Variants in NOS1 observed in about 807,000 individuals in gnomAD.
NOS1 encodes nitric oxide synthase 1, also known as NOS type I.
NOS1 carries 51 observed loss-of-function variants against 164.5 expected under a neutral mutation model. The observed-to-expected ratio is 0.31, with a 90% CI of 0.25 to 0.39. The LOEUF (loss-of-function observed/expected upper bound fraction) is 0.39. NOS1 is among the 10% of genes least tolerant of loss of function. The pLI, the probability that NOS1 is intolerant of heterozygous loss-of-function variation, is 1.00. For synonymous variants in NOS1, 719 were observed against 745.8 expected (o/e 0.96, Z 0.59); for missense variants, 1,362 against 1,885.6 (o/e 0.72, Z 5.14).
chr12:117,349,198 A>G (rs1188501160), intron 1 of NOS1, among the ~76,000 whole-genome samples: 1 of 152,246 alleles, frequency 6.6e-6, no homozygotes, highest in Non-Finnish European at 1.5e-5. Context: ...GATACTGCAT[A>G]TAAATGAAAT....
chr12:117,324,831 G>T (rs1875164796), intron 2 of NOS1, among the ~76,000 whole-genome samples: 1 of 152,002 alleles, frequency 6.6e-6, no homozygotes. Flanking sequence ...CTGCCTGCTG[G>T]AGCCACCTTC....
intron 17 of NOS1, among the ~76,000 whole-genome samples, chr12:117,250,862 T>C (rs1412637201): frequency 5.9e-5 from 9 of 152,198 alleles, no homozygotes; most frequent in Admixed American, 1.3e-4. Flanking sequence ...CCTGAATCTC[T>C]GTGATTTATG....
chr12:117,334,012 A>G (rs897567799), intron 1 of NOS1, among the ~76,000 whole-genome samples: 1 of 152,190 alleles, frequency 6.6e-6, no homozygotes. Context: ...CCTCTTGGGG[A>G]GGCAAGGCCC....
rs752133783 is a variant in NOS1, at chr12:117,247,510, A to G, written c.2661T>C (p.Phe887=). 31 of 1,606,534 alleles carry G rather than the reference A, an allele frequency of 1.9e-5. No individual in the cohort carries two copies. Among genetic ancestry groups the G allele is most frequent in the South Asian group, 7.8e-5 (7 of 89,868 alleles). Residue 887 remains phenylalanine, a synonymous_variant, in exon 18 of 29, where the codon TTT becomes TTC. Coordinates refer to ENST00000317775, the MANE Select transcript of NOS1 (RefSeq NM_000620.5). ...GPLANVRFSV[F]GLGSRAYPHF... ...GAGGGTATGCTCGTGAGCCGAGGCC[A>G]AAAACTGAGAACCTGTCAAGGAGAT...
chr12:117,348,530 A>AATTATTTATTTAAT (rs1876465471), intron 1 of NOS1: 1 of 152,174 alleles, frequency 6.6e-6, no homozygotes, highest in South Asian at 2.1e-4. Flanking sequence ...TCACCTATGC[A>AATTATTTATTTAAT]ATTATTTATT....
chr12:117,275,012 A>T (rs1191898411), intron 9 of NOS1, among the ~76,000 whole-genome samples: 2 of 152,080 alleles, frequency 1.3e-5, no homozygotes, highest in Non-Finnish European at 2.9e-5. Flanking sequence ...ATTTCAAAAT[A>T]ACTTAAAGAG....
At chr12:117,340,590 C>T (rs949894102) in intron 1 of NOS1, among the ~76,000 whole-genome samples, 9 of 152,154 alleles carry the variant, frequency 5.9e-5, no homozygotes, top group African/African-American at 1.2e-4. Flanking sequence ...AGTGTGGTGG[C>T]GCAATCTCGG....
At chr12:117,220,624 G>T (rs573873898) in intron 26 of NOS1, among the ~76,000 whole-genome samples, 1 of 152,084 alleles carries the variant, frequency 6.6e-6, no homozygotes, top group Non-Finnish European at 1.5e-5. Flanking sequence ...AATGGTCACC[G>T]GGTGTTAACA....
chr12:117,281,618 G>C (rs923630727), intron 7 of NOS1, among the ~76,000 whole-genome samples: 1 of 150,282 alleles, frequency 6.7e-6, no homozygotes, highest in Non-Finnish European at 1.5e-5. Context: ...GGCGGATCAC[G>C]AGGACAAGAG....
chr12:117,338,216 C>T (rs943330658), intron 1 of NOS1, among the ~76,000 whole-genome samples: 1 of 150,048 alleles, frequency 6.7e-6, no homozygotes, highest in Non-Finnish European at 1.5e-5. Flanking sequence ...GACTCTGTCT[C>T]AAACAAAACA....
chr12:117,305,515 G>C lies in NOS1; in HGVS notation c.852+5951C>G, dbSNP rs919076674. ...CAGGAGCTCCAGGTACAGTGGCTTT[G>C]AGCAGGTAGAGGCGAGGTTAGGAGA... On this transcript the variant is annotated intron_variant, in intron 3 of 28. Coordinates refer to ENST00000317775, the MANE Select transcript of NOS1 (RefSeq NM_000620.5). 4.6e-5 allele frequency among the ~76,000 whole-genome samples: 7 copies of C among 151,528 alleles called. No individual in the cohort carries two copies. In the East Asian group the frequency reaches 9.7e-4, roughly 21 times the overall value.
In NOS1 at chr12:117,211,504, C is replaced by T. The variant is rs1441926763; in HGVS notation, c.*3805G>A. 1.0e-6 allele frequency: 1 copy of T among 984,342 alleles called. No individual in the cohort carries two copies. Among genetic ancestry groups the T allele is most frequent in the Non-Finnish European group, 1.2e-6 (1 of 828,964 alleles). The allele number at this position is 984,342 out of a possible 1,614,324, so 61.0% of individuals were successfully genotyped here. The stretch of plus-strand genomic sequence containing the variant: ...TTTTTGAAAAACATTCTTAGGGACT[C>T]CCTGTTGCCTTCTGAATAAAGCCTA... On this transcript the variant is annotated 3_prime_UTR_variant, in exon 29 of 29. Transcript: ENST00000317775.
At chr12:117,280,099 C>T (rs149377557) in intron 8 of NOS1, among the ~76,000 whole-genome samples, 83 of 152,270 alleles carry the variant, frequency 5.5e-4, no homozygotes, top group Non-Finnish European at 1.1e-3. Flanking sequence ...GTATAAGCTA[C>T]CATATCTTAC....
At chr12:117,293,006 G>A (rs984194148) in intron 3 of NOS1, among the ~76,000 whole-genome samples, 1 of 152,188 alleles carries the variant, frequency 6.6e-6, no homozygotes. Context: ...AGATGAGTAC[G>A]TGCTAGCCAG....
rs1462392094 is a variant in NOS1, at chr12:117,222,674, G to C, written c.3975+41C>G. On this transcript the variant is annotated intron_variant, in intron 26 of 28. Coordinates refer to ENST00000317775, the MANE Select transcript of NOS1 (RefSeq NM_000620.5). ...GAGAGTAGGATGTCCAAGTGTGCAT[G>C]TGTGTTGGGCTGGGCTAGGGGGTGG... 10 of 1,595,014 alleles carry C rather than the reference G, an allele frequency of 6.3e-6. No homozygotes were observed. In the South Asian group the frequency reaches 8.9e-5, roughly 14 times the overall value.
Position 117,212,523 on chromosome 12 carries a change from T to TG in NOS1, c.*2785dup. ...GCTGTGGGAACTGGATGCATAGTGA[T>TG]GGCAGGTGAGCATGATGTTCCGGTG... On this transcript the variant is annotated 3_prime_UTR_variant, in exon 29 of 29. Transcript: ENST00000317775. 1 of 985,430 alleles carries TG rather than the reference T, an allele frequency of 1.0e-6. No homozygotes were observed. The highest frequency in any genetic ancestry group is 4.7e-5 in the South Asian group (1 of 21,276). The allele number at this position is 985,430 out of a possible 1,614,324, so 61.0% of individuals were successfully genotyped here.
At chr12:117,263,293 G>A (rs1024550623) in intron 13 of NOS1, among the ~76,000 whole-genome samples, 14 of 152,192 alleles carry the variant, frequency 9.2e-5, no homozygotes, top group South Asian at 8.3e-4. Context: ...CCAGGCAGTA[G>A]TGTGCTGGAG....
At chr12:117,224,972 A>G (rs747665597) in intron 25 of NOS1, 44 bp downstream of exon 25, 3 of 1,612,854 alleles carry the variant, frequency 1.9e-6, no homozygotes, top group Non-Finnish European at 2.5e-6. Flanking sequence ...GGACCTCCCC[A>G]GGTCCGGGGG....
intron 27 of NOS1, among the ~76,000 whole-genome samples, chr12:117,219,709 T>A (rs1956670442): frequency 6.6e-6 from 1 of 152,088 alleles, no homozygotes; most frequent in African/African-American, 2.4e-5. Context: ...GCTCCACAGT[T>A]CTCCTCGGAT....
Sources: allele counts gnomAD v4.1 joint callset (sites outside exome capture counted in the v4.1 genomes callset), GRCh38; gene constraint gnomAD v4.1.1; transcripts MANE v1.5; gene names NCBI Gene and HGNC (gene_info 2026-07-23, HGNC 2026-07-21).